The following CCDC57 variants were observed in gnomAD, a reference collection of about 807,000 sequenced individuals.
CCDC57 encodes the protein coiled-coil domain containing 57.
Under a neutral mutation model 118.9 loss-of-function variants are expected in CCDC57, and 118 were observed. The observed-to-expected ratio is 0.99, with a 90% confidence interval of 0.86 to 1.16. The LOEUF (loss-of-function observed/expected upper bound fraction) is 1.16. Among genes scored for constraint, CCDC57 ranks in the 50% most tolerant of loss-of-function variants. CCDC57 has a pLI of 0.00. For synonymous variants in CCDC57, 527 were observed against 532.9 expected (o/e 0.99, Z 0.15); for missense variants, 1,300 against 1,320.7 (o/e 0.98, Z 0.24).
chr17:82,195,425 C>T lies in CCDC57; in HGVS notation c.517-61G>A, dbSNP rs553741044. The stretch of plus-strand genomic sequence containing the variant: ...GGAACCCAGCAAAGACCCCCACCCA[C>T]GTCCTGGGAGGTGGGATCCAGAGGT... On this transcript the variant is annotated intron_variant, in intron 4 of 19. Transcript: ENST00000665763. 2.5e-5 allele frequency: 33 copies of T among 1,344,190 alleles called. 1 individual carries two copies. Among genetic ancestry groups the T allele is most frequent in the African/African-American group, 1.9e-4 (13 of 69,058 alleles). 83.3% of individuals were successfully genotyped at this position (1,344,190 alleles called of 1,614,324 possible).
intron 4 of CCDC57, 41 bp from the exon 4 acceptor site, chr17:82,195,405 C>T (rs2048177015): frequency 1.3e-6 from 2 of 1,490,182 alleles, no homozygotes; most frequent in South Asian, 2.4e-5. Context: ...CAGTGGGAAC[C>T]CAGCAAAGAC....
rs566529512 is a variant in CCDC57, at chr17:82,129,389, A to T, written c.2578-792T>A. On this transcript the variant is annotated intron_variant, in intron 17 of 19. Transcript: ENST00000665763. The stretch of plus-strand genomic sequence containing the variant: ...GAAAACAGAAAGGGAAATTCAAAGC[A>T]GTGGGACCTGTACAGAGCCATGGAC... Among the ~76,000 whole-genome samples the T allele has an allele frequency of 2.0e-5, 3 of 152,236 alleles. No homozygotes were observed. In the South Asian group the frequency reaches 6.2e-4, roughly 32 times the overall value.
chr17:82,206,987 C>A (rs1489616443), intron 2 of CCDC57, among the ~76,000 whole-genome samples: 1 of 152,040 alleles, frequency 6.6e-6, no homozygotes, highest in East Asian at 1.9e-4. Context: ...CGAAACAAAC[C>A]CCCTTTTTGC....
chr17:82,188,005 T>G (rs2047184184), intron 8 of CCDC57, among the ~76,000 whole-genome samples: 3 of 144,668 alleles, frequency 2.1e-5, no homozygotes, highest in African/African-American at 5.2e-5. Flanking sequence ...AATAGATGAA[T>G]GCACACACAC....
exon 6 of CCDC57, chr17:82,194,024 C>A (rs369876031): frequency 8.7e-6 from 14 of 1,612,950 alleles, no homozygotes; most frequent in Non-Finnish European, 1.1e-5. Context: ...CTCCCCGGCT[C>A]GGCTCTGGAG....
At chr17:82,191,417 C>T (rs888031936) in intron 7 of CCDC57, among the ~76,000 whole-genome samples, 1 of 152,098 alleles carries the variant, frequency 6.6e-6, no homozygotes, top group South Asian at 2.1e-4. Flanking sequence ...AGTGTTAAAG[C>T]GGGATTGGCA....
In CCDC57 at chr17:82,212,251, T is replaced by A. The variant is rs958221274; in HGVS notation, c.-211+534A>T. Among the ~76,000 whole-genome samples the A allele has an allele frequency of 6.6e-6, 1 of 152,048 alleles. No individual in the cohort carries two copies. Among genetic ancestry groups the A allele is most frequent in the African/African-American group, 2.4e-5 (1 of 41,394 alleles). ...AGGCGTGCACCACCACGCCCAATAA[T>A]TTTTGTATTTTTAGTAGAGAGGGGG... On this transcript the variant is annotated intron_variant, in intron 1 of 19. Transcript: ENST00000665763. This position sits in a 1 kb window ranked among gnomAD's most constrained non-coding sequence, Gnocchi z 4.1.
chr17:82,128,289 C>T (rs931692616), intron 18 of CCDC57, among the ~76,000 whole-genome samples: 1 of 152,178 alleles, frequency 6.6e-6, no homozygotes, highest in Non-Finnish European at 1.5e-5. Context: ...TCCCGGGGCC[C>T]TCCTAACACT....
In CCDC57 at chr17:82,188,822, C is replaced by G. The variant is rs778567211; in HGVS notation, c.852-403G>C. Among the ~76,000 whole-genome samples the G allele has an allele frequency of 2.8e-4, 42 of 152,370 alleles. No individual in the cohort carries two copies. The Middle Eastern group carries it at 0.01, about 37-fold the overall frequency. On this transcript the variant is annotated intron_variant, in intron 7 of 19. Transcript: ENST00000665763. ...GCCAGGTCTACGGAGCCACACCGCACCCCACCTATTGATTTTCCAATTAGA... is the reference window on the plus strand; with the variant it reads ...GCCAGGTCTACGGAGCCACACCGCAGCCCACCTATTGATTTTCCAATTAGA...
exon 20 of CCDC57, chr17:82,101,779 G>A: frequency 3.7e-6 from 6 of 1,609,060 alleles, no homozygotes; most frequent in African/African-American, 1.3e-5. Context: ...CTTGGCCTTT[G>A]CCTGGGCTGC....
At chr17:82,195,463 G>C (rs2146775014) in intron 4 of CCDC57, 99 bp from the exon 4 acceptor site, 1 of 880,228 alleles carries the variant, frequency 1.1e-6, no homozygotes, top group East Asian at 2.7e-5. Context: ...GCAGGACACA[G>C]TGTTTAACAG....
intron 19 of CCDC57, among the ~76,000 whole-genome samples, chr17:82,125,196 G>A (rs1227411291): frequency 6.6e-6 from 1 of 152,124 alleles, no homozygotes; most frequent in East Asian, 1.9e-4. Context: ...TAGTGTTTGT[G>A]GGGAGGGGCT....
intron 17 of CCDC57, among the ~76,000 whole-genome samples, chr17:82,132,643 C>T (rs966147536): frequency 6.6e-6 from 1 of 151,962 alleles, no homozygotes; most frequent in Non-Finnish European, 1.5e-5. Context: ...GGGTCTTGAA[C>T]TCCTGGGCTC....
At position 82,202,107 on chromosome 17, in the gene CCDC57, G is replaced by T. The variant is rs533927463; in HGVS notation, c.-8-155C>A. On this transcript the variant is annotated intron_variant, in intron 2 of 19. Transcript: ENST00000665763. ...GCCCTTTGGGAGGCCGAGGCAGGCG[G>T]ATCACCTGAGGTCAGGAGTTCAAGA... is the stretch of plus-strand genomic sequence containing the variant. 2.6e-5 allele frequency among the ~76,000 whole-genome samples: 4 copies of T among 152,310 alleles called. No individual in the cohort carries two copies. The East Asian group carries it at 5.8e-4, about 22-fold the overall frequency.
chr17:82,148,383 G>A (rs1430194619), intron 16 of CCDC57, among the ~76,000 whole-genome samples: 12 of 9,910 alleles, frequency 1.2e-3, no homozygotes, highest in Non-Finnish European at 1.9e-3. Context: ...GTGGGTGGGT[G>A]AATGGATGAA....
intron 19 of CCDC57, chr17:82,107,735 A>G (rs2034963336): frequency 2.5e-6 from 1 of 392,944 alleles, no homozygotes; most frequent in Admixed American, 2.8e-5. Flanking sequence ...GAGAAGACAC[A>G]TTAGCCCTTG....
intron 8 of CCDC57, among the ~76,000 whole-genome samples, chr17:82,187,901 C>T (rs1399369499): frequency 6.6e-6 from 1 of 151,842 alleles, no homozygotes; most frequent in African/African-American, 2.4e-5. Flanking sequence ...GATGGTTTTA[C>T]AACAACGTGA....
intron 19 of CCDC57, chr17:82,127,220 C>T: frequency 1.0e-6 from 1 of 985,442 alleles, no homozygotes; most frequent in Non-Finnish European, 1.2e-6. Flanking sequence ...TGACACTTGT[C>T]TGGCCCGTGA....
At chr17:82,101,995 C>T (rs1014345852) in intron 19 of CCDC57, 129 bp from the exon 19 acceptor site, 3 of 910,718 alleles carry the variant, frequency 3.3e-6, no homozygotes, top group Non-Finnish European at 4.7e-6. Context: ...GACCCTTGGC[C>T]TGGCTTTCCT....
Sources: gnomAD v4.1 joint callset for allele counts (sites outside exome capture counted in the v4.1 genomes callset) on GRCh38, gnomAD v4.1.1 for gene constraint, Gnocchi (gnomAD v3.1) non-coding constraint, MANE v1.5 for transcripts, NCBI Gene and HGNC (gene_info 2026-07-23, HGNC 2026-07-21) for gene names.